The following EPM2A variants were observed in gnomAD, a reference collection of about 807,000 sequenced individuals.
EPM2A encodes the protein laforin.
A neutral mutation model predicts 26.5 loss-of-function variants in EPM2A; 21 were observed. The observed-to-expected ratio is 0.79, with a 90% CI of 0.56 to 1.14. The LOEUF (loss-of-function observed/expected upper bound fraction) is 1.14, where lower values mean the gene tolerates loss of function less well. EPM2A is among the 50% of genes most tolerant of loss of function. The probability of loss-of-function intolerance (pLI) is 0.00; values close to 1 mark genes in which losing one functional copy is unlikely to be tolerated. For missense variants in EPM2A, 458 were observed against 440.8 expected, an observed-to-expected ratio of 1.04 and a Z score of -0.35; for synonymous variants, 217 against 177.6, an observed-to-expected ratio of 1.22 and a Z score of -1.76.
downstream of EPM2A, among the ~76,000 whole-genome samples, chr6:145,498,213 A>G (rs1482929542): frequency 6.6e-6 from 1 of 152,122 alleles, no homozygotes; most frequent in Admixed American, 6.5e-5. Context: ...AGGAACACCA[A>G]CCTGTCCTGG....
chr6:145,479,546 C>G (rs1316125010), intron 4 of EPM2A, among the ~76,000 whole-genome samples: 1 of 151,850 alleles, frequency 6.6e-6, no homozygotes, highest in Non-Finnish European at 1.5e-5. Context: ...TTGTGATAGA[C>G]TTATTTCACT....
At chr6:145,485,374 G>A (rs1779659211) in intron 4 of EPM2A, among the ~76,000 whole-genome samples, 4 of 152,088 alleles carry the variant, frequency 2.6e-5, no homozygotes, top group Non-Finnish European at 4.4e-5. Context: ...GAGATCACTA[G>A]TGAAGTGGTG....
At chr6:145,701,416 A>G (rs1468287758) in intron 1 of EPM2A, among the ~76,000 whole-genome samples, 1 of 152,160 alleles carries the variant, frequency 6.6e-6, no homozygotes, top group African/African-American at 2.4e-5. Context: ...TCATAGGGTC[A>G]CCTCTAGGCA....
chr6:145,732,201 T>TTGTGTGTGTGTGTGTG (rs66889564), intron 1 of EPM2A, among the ~76,000 whole-genome samples: 8 of 138,546 alleles, frequency 5.8e-5, no homozygotes, highest in African/African-American at 2.3e-4. Flanking sequence ...CAGCTAAGAC[T>TTGTGTGTGTGTGTGTG]TGTGTGTGTG....
intron 2 of EPM2A, among the ~76,000 whole-genome samples, chr6:145,676,895 T>C (rs1250221513): frequency 6.6e-6 from 1 of 152,034 alleles, no homozygotes; most frequent in African/African-American, 2.4e-5. Context: ...TTCCAATCAA[T>C]ATAAAAAAAG....
At chr6:145,563,806 C>A (rs1339886396) in intron 2 of EPM2A, among the ~76,000 whole-genome samples, 5 of 152,130 alleles carry the variant, frequency 3.3e-5, no homozygotes, top group Non-Finnish European at 5.9e-5. Flanking sequence ...GTGACCACAA[C>A]ACTCTATGGC....
In EPM2A at chr6:145,594,715, A is replaced by C. The variant is rs115177258; in HGVS notation, c.340+40530T>G. On this transcript the variant is annotated intron_variant, in intron 2 of 3. Coordinates refer to the EPM2A transcript ENST00000450221. ...AATTGCCAGATAAAAAGGTATGTAC[A>C]CTTTGAAGAATTTCAATGAATATTT... Among the ~76,000 whole-genome samples, 631 of 152,056 alleles carry C rather than the reference A, an allele frequency of 4.1e-3. 3 individuals are homozygous for C. Among genetic ancestry groups the C allele is most frequent in the African/African-American group, 0.015 (608 of 41,556 alleles).
At chr6:145,403,388 C>T (rs1316428806) in intron 4 of EPM2A, among the ~76,000 whole-genome samples, 1 of 151,578 alleles carries the variant, frequency 6.6e-6, no homozygotes, top group Non-Finnish European at 1.5e-5. Context: ...CACCCCCTCC[C>T]CCCAACCACC....
chr6:145,594,636 C>T (rs1781316854), intron 2 of EPM2A, among the ~76,000 whole-genome samples: 1 of 151,838 alleles, frequency 6.6e-6, no homozygotes. Flanking sequence ...TTTGTATATA[C>T]ATTTTAAAAA....
chr6:145,535,511 C>A (rs925829426), intron 2 of EPM2A, among the ~76,000 whole-genome samples: 3 of 152,156 alleles, frequency 2.0e-5, no homozygotes, highest in African/African-American at 7.2e-5. Context: ...TGAGAACCAC[C>A]ACAGTAGGTG....
In EPM2A at chr6:145,512,830, C is replaced by T. The variant is rs537884583; in HGVS notation, c.341-10255G>A. ...AACAATGGGGAAAGAACTCTCTATT[C>T]AATAAATGGTGCTGGGAATACTGGC... On this transcript the variant is annotated intron_variant, in intron 2 of 3. Transcript: ENST00000450221. Among the ~76,000 whole-genome samples, 22 of 149,776 alleles carry T rather than the reference C, an allele frequency of 1.5e-4. No homozygotes were observed. In the South Asian group the frequency reaches 4.6e-3, roughly 31 times the overall value.
chr6:145,452,449 T>C (rs996790331), intron 4 of EPM2A, among the ~76,000 whole-genome samples: 1 of 123,646 alleles, frequency 8.1e-6, no homozygotes, highest in Non-Finnish European at 1.6e-5. Context: ...ATGGAGACCA[T>C]CCTGGCTAAC....
In EPM2A at chr6:145,625,825, C is replaced by T. The variant is rs1004261480; in HGVS notation, c.*1591G>A. On this transcript the variant is annotated 3_prime_UTR_variant, in exon 4 of 4. Coordinates refer to ENST00000367519, the MANE Select transcript of EPM2A (RefSeq NM_005670.4). ...TACCTTGTATCCTTCTTGTCCCCCA[C>T]GCCTTCTAAATAAGAGTCTCTTGCA... 80 of 1,549,502 alleles carry T rather than the reference C, an allele frequency of 5.2e-5. No homozygotes were observed. In the Middle Eastern group the frequency reaches 1.8e-3, roughly 35 times the overall value.
intron 2 of EPM2A, among the ~76,000 whole-genome samples, chr6:145,674,058 C>A (rs1290178629): frequency 6.6e-6 from 1 of 152,136 alleles, no homozygotes; most frequent in Non-Finnish European, 1.5e-5. Flanking sequence ...ACACCTCATA[C>A]AGGCGGGTGC....
chr6:145,513,922 T>G (rs1258645684), intron 2 of EPM2A, among the ~76,000 whole-genome samples: 1 of 152,200 alleles, frequency 6.6e-6, no homozygotes, highest in Non-Finnish European at 1.5e-5. Context: ...CTCCTGCTAC[T>G]TGTCCAATGC....
intron 2 of EPM2A, among the ~76,000 whole-genome samples, chr6:145,593,938 T>A (rs1781307280): frequency 1.3e-5 from 2 of 151,308 alleles, no homozygotes; most frequent in Non-Finnish European, 3.0e-5. Context: ...TCAAAGAAAT[T>A]AAAATATAAA....
intron 2 of EPM2A, among the ~76,000 whole-genome samples, chr6:145,646,501 T>G (rs991682100): frequency 1.3e-5 from 2 of 152,084 alleles, no homozygotes; most frequent in African/African-American, 4.8e-5. Context: ...CATTCTCTAT[T>G]GAAAATTCCA....
At chr6:145,484,293 C>A (rs986883911) in intron 4 of EPM2A, among the ~76,000 whole-genome samples, 1 of 151,920 alleles carries the variant, frequency 6.6e-6, no homozygotes, top group East Asian at 1.9e-4. Flanking sequence ...TCAAACAAAG[C>A]CTTAGAAGGT....
chr6:145,592,604 A>G (rs1338859536), intron 2 of EPM2A, among the ~76,000 whole-genome samples: 3 of 152,202 alleles, frequency 2.0e-5, no homozygotes, highest in African/African-American at 4.8e-5. Flanking sequence ...CAACAAGTGT[A>G]AAAGTGTTCC....
Sources: allele counts gnomAD v4.1 joint callset (sites outside exome capture counted in the v4.1 genomes callset), GRCh38; gene constraint gnomAD v4.1.1; transcripts MANE v1.5; gene names NCBI Gene and HGNC (gene_info 2026-07-23, HGNC 2026-07-21).